The following ADAMTSL1 variants were observed in gnomAD, a reference collection of about 807,000 sequenced individuals.
ADAMTSL1 encodes ADAMTS like 1, also known as ADAMTS-like protein 1.
ADAMTSL1 carries 126 observed loss-of-function variants against 201.8 expected under a neutral mutation model. That is an observed-to-expected ratio of 0.62 (90% CI 0.54 to 0.72). The LOEUF (loss-of-function observed/expected upper bound fraction) is 0.72. ADAMTSL1 is among the 30% of genes least tolerant of loss of function. The pLI, the probability that ADAMTSL1 is intolerant of heterozygous loss-of-function variation, is 0.00. For synonymous variants in ADAMTSL1, 1,121 were observed against 903.4 expected, an observed-to-expected ratio of 1.24 and a Z score of -4.32; for missense variants, 2,679 against 2,277.8, an observed-to-expected ratio of 1.18 and a Z score of -3.59.
At chr9:18,244,036 C>A (rs1831166531) in intron 2 of ADAMTSL1, among the ~76,000 whole-genome samples, 1 of 151,854 alleles carries the variant, frequency 6.6e-6, no homozygotes, top group Non-Finnish European at 1.5e-5. Context: ...CTGCTACTAC[C>A]CCAGATAAGG....
intron 3 of ADAMTSL1, among the ~76,000 whole-genome samples, chr9:18,561,709 G>C (rs1289642651): frequency 1.3e-5 from 2 of 152,174 alleles, no homozygotes; most frequent in African/African-American, 4.8e-5. Flanking sequence ...TGGTGCTCCT[G>C]AATTGGGTGC....
chr9:18,310,401 T>TAAAAAAAAAAAAAAA (rs1834098083), intron 2 of ADAMTSL1, among the ~76,000 whole-genome samples: 2 of 39,906 alleles, frequency 5.0e-5, no homozygotes, highest in Admixed American at 3.3e-4. Context: ...AAAAAAAAAC[T>TAAAAAAAAAAAAAAA]ATCTTCAGAG....
chr9:18,503,421 G>GTGTATACATATATATATA (rs376466829), intron 1 of ADAMTSL1, among the ~76,000 whole-genome samples: 3 of 115,274 alleles, frequency 2.6e-5, no homozygotes, highest in African/African-American at 9.2e-5. Context: ...ATTCCATTGT[G>GTGTATACATATATATATA]TATATATATA....
At chr9:18,412,424 A>T (rs1353604243) in intron 2 of ADAMTSL1, among the ~76,000 whole-genome samples, 3 of 152,228 alleles carry the variant, frequency 2.0e-5, no homozygotes, top group Non-Finnish European at 4.4e-5. Flanking sequence ...TACTGGTTGT[A>T]AAATGATGAT....
chr9:18,534,986 A>G (rs1819670637), intron 3 of ADAMTSL1, among the ~76,000 whole-genome samples: 1 of 152,148 alleles, frequency 6.6e-6, no homozygotes, highest in Non-Finnish European at 1.5e-5. Flanking sequence ...CTCTGACATG[A>G]TCTGGAGACA....
chr9:18,035,786 A>T (rs140023320), intron 1 of ADAMTSL1, among the ~76,000 whole-genome samples: 1 of 152,190 alleles, frequency 6.6e-6, no homozygotes, highest in Non-Finnish European at 1.5e-5. Context: ...CGTTATTACA[A>T]TATACCCAGA....
At chr9:18,839,259 C>T (rs192401833) in intron 23 of ADAMTSL1, among the ~76,000 whole-genome samples, 20 of 147,996 alleles carry the variant, frequency 1.4e-4, no homozygotes, top group Admixed American at 1.2e-3. Flanking sequence ...GTTCAATTCC[C>T]ACCTATGAGT....
chr9:18,221,075 C>T (rs1273761737), intron 2 of ADAMTSL1, among the ~76,000 whole-genome samples: 5 of 151,998 alleles, frequency 3.3e-5, no homozygotes, highest in Admixed American at 1.3e-4. Flanking sequence ...ATGCCCAGCC[C>T]GTTACTCCTA....
chr9:18,108,024 A>T (rs1280252937), intron 1 of ADAMTSL1, among the ~76,000 whole-genome samples: 1 of 152,130 alleles, frequency 6.6e-6, no homozygotes, highest in Non-Finnish European at 1.5e-5. Flanking sequence ...TTTATAATTA[A>T]TGATTTTTGA....
rs184216115 is a variant in ADAMTSL1 at position 18,505,716 on chromosome 9, T to C, written c.191+760T>C. Among the ~76,000 whole-genome samples the C allele has an allele frequency of 4.1e-4, 63 of 152,334 alleles. No homozygotes were observed. In the East Asian group the frequency reaches 0.011, roughly 27 times the overall value. ...TTTAATGAAAGATTTTATTTGACTATGAAAAGTGTTATGTATAGCAAGTAG... is the reference window on the plus strand; with the variant it reads ...TTTAATGAAAGATTTTATTTGACTACGAAAAGTGTTATGTATAGCAAGTAG... On this transcript the variant is annotated intron_variant, in intron 2 of 28. Transcript: ENST00000380548.
chr9:18,693,568 TAG>T (rs1178163823), intron 13 of ADAMTSL1, among the ~76,000 whole-genome samples: 1 of 152,214 alleles, frequency 6.6e-6, no homozygotes, highest in Non-Finnish European at 1.5e-5. Context: ...CTTAGTTTCT[TAG>T]AGTCTTTTGG....
chr9:18,659,919 TAAA>T (rs5896794), intron 8 of ADAMTSL1, among the ~76,000 whole-genome samples: 68,441 of 151,550 alleles, frequency 0.45, 15,835 homozygotes, highest in African/African-American at 0.55. Context: ...TTGTTTTTTT[TAAA>T]AAAAAAAATG....
At chr9:18,604,373 A>G (rs554129478) in intron 4 of ADAMTSL1, among the ~76,000 whole-genome samples, 31 of 152,354 alleles carry the variant, frequency 2.0e-4, no homozygotes, top group African/African-American at 7.0e-4. Context: ...CTCTTTAACA[A>G]GAAGGAAAAC....
chr9:18,451,383 C>A (rs116092573), intron 2 of ADAMTSL1, among the ~76,000 whole-genome samples: 1 of 152,108 alleles, frequency 6.6e-6, no homozygotes, highest in Non-Finnish European at 1.5e-5. Context: ...AATTTCCATA[C>A]GATTTTATAC....
chr9:18,516,332 A>C (rs1818366266), intron 2 of ADAMTSL1, among the ~76,000 whole-genome samples: 1 of 152,194 alleles, frequency 6.6e-6, no homozygotes, highest in Non-Finnish European at 1.5e-5. Flanking sequence ...GGGGATGGAC[A>C]ATTCACCTGG....
intron 3 of ADAMTSL1, among the ~76,000 whole-genome samples, chr9:18,534,370 AAAG>A (rs936659858): frequency 3.9e-5 from 6 of 151,984 alleles, no homozygotes; most frequent in Admixed American, 3.3e-4. Context: ...CTCTTATAAG[AAAG>A]AAGAAGAAGA....
intron 23 of ADAMTSL1, among the ~76,000 whole-genome samples, chr9:18,830,232 T>C (rs1209424181): frequency 1.3e-5 from 2 of 152,190 alleles, no homozygotes; most frequent in Non-Finnish European, 2.9e-5. Context: ...CTTGGGTTGA[T>C]GCCATAGTCC....
At chr9:18,649,672 G>C (rs76098556) in intron 7 of ADAMTSL1, among the ~76,000 whole-genome samples, 1 of 152,158 alleles carries the variant, frequency 6.6e-6, no homozygotes, top group Admixed American at 6.5e-5. Context: ...CTGTTTGCCT[G>C]GGTATCAGCA....
chr9:18,521,823 G>C (rs368175005), intron 2 of ADAMTSL1, among the ~76,000 whole-genome samples: 1 of 152,158 alleles, frequency 6.6e-6, no homozygotes, highest in Non-Finnish European at 1.5e-5. Flanking sequence ...TTAAGTACAA[G>C]AGTAAAGCAA....
Sources: allele counts gnomAD v4.1 joint callset (sites outside exome capture counted in the v4.1 genomes callset), GRCh38; gene constraint gnomAD v4.1.1; transcripts MANE v1.5; gene names NCBI Gene and HGNC (gene_info 2026-07-23, HGNC 2026-07-21).